HPD: variants seen among roughly 807,000 people sequenced by gnomAD.
The protein encoded by HPD is 4-hydroxyphenylpyruvate dioxygenase.
HPD carries 35 observed loss-of-function variants against 56.9 expected under a neutral mutation model. That is an observed-to-expected ratio of 0.62 (90% CI 0.47 to 0.82). The LOEUF is 0.82. Ranked by LOEUF, HPD falls within the 40% of genes least tolerant of loss-of-function variation. The probability of loss-of-function intolerance (pLI) is 0.00; values close to 1 mark genes in which losing one functional copy is unlikely to be tolerated. For synonymous variants in HPD, 186 were observed against 200.2 expected, an observed-to-expected ratio of 0.93 and a Z score of 0.60; for missense variants, 442 against 506.8, an observed-to-expected ratio of 0.87 and a Z score of 1.23.
chr12:121,839,920 G>A lies in HPD; in HGVS notation c.1071+12C>T. Reference sequence around the variant, plus strand: ...TGCCTGTCCCCTCGGGCCTGCCGGGGACAAGCAGTACCTGGTGGTTGTGGC... The same window carrying A: ...TGCCTGTCCCCTCGGGCCTGCCGGGAACAAGCAGTACCTGGTGGTTGTGGC... On this transcript the variant is annotated intron_variant, in intron 13 of 13. Coordinates refer to ENST00000289004, the MANE Select transcript of HPD (RefSeq NM_002150.3). 1 of 1,610,816 alleles carries A rather than the reference G, an allele frequency of 6.2e-7. No homozygotes were observed. Among genetic ancestry groups the A allele is most frequent in the South Asian group, 1.1e-5 (1 of 90,998 alleles).
upstream of HPD, among the ~76,000 whole-genome samples, chr12:121,864,317 C>T (rs950138379): frequency 1.3e-5 from 2 of 151,854 alleles, no homozygotes; most frequent in Non-Finnish European, 2.9e-5. Flanking sequence ...CTTTGGGAGG[C>T]GGAGGCAGGA....
the HPD span, among the ~76,000 whole-genome samples, chr12:121,887,352 T>TTC: frequency 6.3e-4 from 95 of 149,902 alleles, no homozygotes; most frequent in East Asian, 1.9e-3. Context: ...GCACCTGTAT[T>TTC]TCTCTCTCTC....
chr12:121,879,705 T>C, the HPD span, among the ~76,000 whole-genome samples: 3 of 150,750 alleles, frequency 2.0e-5, no homozygotes, highest in Admixed American at 1.3e-4. Flanking sequence ...TGTATAAACA[T>C]ATATAGATAT....
Position 121,857,301 on chromosome 12 carries a change from G to A in HPD, c.198+27C>T, listed in dbSNP as rs764119386. The A allele has an allele frequency of 4.1e-6, 6 of 1,447,572 alleles. No homozygotes were observed. The Admixed American group carries it at 5.0e-5, about 12-fold the overall frequency. 89.7% of individuals were successfully genotyped at this position (1,447,572 alleles called of 1,614,324 possible). A position where few individuals can be genotyped will look rare whatever the true frequency, so the allele number is the denominator to read the frequency against. On this transcript the variant is annotated intron_variant, in intron 4 of 13. Coordinates refer to ENST00000289004, the MANE Select transcript of HPD (RefSeq NM_002150.3). ...CACCATGTTGGCCAGGCAGGGGTTG[G>A]GGGCTGTCCTGGGGGTGGTGACTCA...
intron 11 of HPD, 117 bp from the exon 12 acceptor site, chr12:121,843,949 A>G (rs1221614260): frequency 7.5e-6 from 9 of 1,199,216 alleles, no homozygotes; most frequent in Admixed American, 1.8e-5. Context: ...CTCAACTGCC[A>G]GGATGCTGTG....
chr12:121,857,807 G>A lies in HPD; in HGVS notation c.43C>T (p.Arg15Ter), dbSNP rs775747384. The A allele has an allele frequency of 1.2e-5, 19 of 1,613,738 alleles. No individual in the cohort carries two copies. The highest frequency in any genetic ancestry group is 1.4e-5 in the Non-Finnish European group (17 of 1,179,788). The stretch of plus-strand genomic sequence containing the variant: ...GTCACAGAGTGGAAGTGGAGGAATC[G>A]GCCTCTCTCAGGCTGCAGAAGGAGA... The part of the protein sequence containing the change: ...SDKGAKPERG[R>*]FLHFHSVTFW... Residue 15 changes from arginine to a stop codon, truncating the protein, a stop_gained, in exon 3 of 14, where the codon CGA becomes TGA. Transcript: ENST00000289004. LOFTEE classifies it high-confidence loss of function.
intron 2 of HPD, 128 bp downstream of exon 2, chr12:121,858,559 G>A (rs1013222565): frequency 1.1e-6 from 1 of 945,094 alleles, no homozygotes; most frequent in Admixed American, 1.7e-5. Flanking sequence ...AGCTGAGTGT[G>A]CAGGCATGCA....
At chr12:121,847,008 A>T (rs766051903) in intron 10 of HPD, 44 bp downstream of exon 10, 5 of 1,613,096 alleles carry the variant, frequency 3.1e-6, no homozygotes. Context: ...GAGCCCCCAG[A>T]CCTCTTCCCT....
chr12:121,863,028 G>A (rs1878225505), upstream of HPD, among the ~76,000 whole-genome samples: 1 of 143,558 alleles, frequency 7.0e-6, no homozygotes, highest in South Asian at 2.3e-4. Flanking sequence ...TGTCTCCCAA[G>A]CTGAAGTGCA....
chr12:121,850,452 C>G (rs1391420618), intron 7 of HPD, among the ~76,000 whole-genome samples: 1 of 146,568 alleles, frequency 6.8e-6, no homozygotes, highest in Non-Finnish European at 1.5e-5. Flanking sequence ...CTGAAGAGTT[C>G]TGTCAGCCAC....
chr12:121,843,107 A>T (rs981447252), intron 12 of HPD, among the ~76,000 whole-genome samples: 2 of 152,180 alleles, frequency 1.3e-5, no homozygotes, highest in African/African-American at 4.8e-5. Flanking sequence ...ATAGAATTGT[A>T]CACCTTAAAA....
At chr12:121,858,025 C>T (rs1213438429) in intron 2 of HPD, among the ~76,000 whole-genome samples, 1 of 150,290 alleles carries the variant, frequency 6.7e-6, no homozygotes, top group Non-Finnish European at 1.5e-5. Flanking sequence ...TGGGGAAACC[C>T]CCTCAGGAGG....
At chr12:121,858,874 G>A (rs755963537), upstream of HPD, 13 of 1,611,490 alleles carry the variant, frequency 8.1e-6, no homozygotes, top group Non-Finnish European at 9.3e-6. Flanking sequence ...GGGGAGTGCT[G>A]GGCCGGAGTA....
chr12:121,870,603 T>G, the HPD span, among the ~76,000 whole-genome samples: 12 of 150,848 alleles, frequency 8.0e-5, no homozygotes, highest in South Asian at 8.4e-4. Context: ...AGGTTTTTTT[T>G]TTTTTTTTTT....
intron 4 of HPD, 183 bp downstream of exon 4, chr12:121,857,145 C>G: frequency 1.7e-6 from 1 of 597,976 alleles, no homozygotes. Context: ...AGTGGCACGA[C>G]GTTGGCTCAC....
At chr12:121,849,589 T>G in intron 8 of HPD, 98 bp downstream of exon 8, 1 of 847,180 alleles carries the variant, frequency 1.2e-6, no homozygotes, top group South Asian at 1.4e-5. Context: ...GGCTCCATTC[T>G]GCCCCAACAC....
At chr12:121,856,454 C>T in intron 5 of HPD, 48 bp from the exon 6 acceptor site, 1 of 1,599,440 alleles carries the variant, frequency 6.3e-7, no homozygotes, top group Non-Finnish European at 8.6e-7. Context: ...AGTCTAGGTC[C>T]CCTCACCTGG....
At chr12:121,845,310 C>G (rs925443700) in intron 11 of HPD, among the ~76,000 whole-genome samples, 6 of 148,716 alleles carry the variant, frequency 4.0e-5, no homozygotes, top group Admixed American at 2.0e-4. Flanking sequence ...AAGATGAGGT[C>G]TTATGGCCGG....
At chr12:121,869,566 C>CTTTTTTT in the HPD span, among the ~76,000 whole-genome samples, 1 of 145,796 alleles carries the variant, frequency 6.9e-6, no homozygotes, top group African/African-American at 2.5e-5. Flanking sequence ...TAGGTTTTCA[C>CTTTTTTT]TTTTTTTTTT....
Sources: allele counts gnomAD v4.1 joint callset (sites outside exome capture counted in the v4.1 genomes callset), GRCh38; gene constraint gnomAD v4.1.1; transcripts MANE v1.5; gene names NCBI Gene and HGNC (gene_info 2026-07-23, HGNC 2026-07-21).